The following GPHN variants were observed in gnomAD, a reference collection of about 807,000 sequenced individuals.
The protein encoded by GPHN is gephyrin.
GPHN carries 17 observed loss-of-function variants against 95.5 expected under a neutral mutation model. The observed-to-expected ratio is 0.18, with a 90% confidence interval of 0.12 to 0.27. The LOEUF (loss-of-function observed/expected upper bound fraction) is 0.27, where lower values mean the gene tolerates loss of function less well. Among genes scored for constraint, GPHN ranks in the 10% least tolerant of loss-of-function variants. The probability of loss-of-function intolerance (pLI) is 1.00; values close to 1 mark genes in which losing one functional copy is unlikely to be tolerated. For synonymous variants in GPHN, 320 were observed against 322.5 expected (o/e 0.99, Z 0.08); for missense variants, 660 against 978.1 (o/e 0.67, Z 4.34).
chr14:67,260,410 A>C, the GPHN span, among the ~76,000 whole-genome samples: 1 of 152,208 alleles, frequency 6.6e-6, no homozygotes, highest in African/African-American at 2.4e-5. Flanking sequence ...AAATATTTGT[A>C]TATAGCACAA....
chr14:67,142,941 A>C (rs927113878), intron 17 of GPHN: 3 of 239,770 alleles, frequency 1.3e-5, no homozygotes, highest in Non-Finnish European at 2.5e-5. Context: ...CACCTAAGAC[A>C]TTCTCTCTAA....
At chr14:67,656,044 G>A in the GPHN span, among the ~76,000 whole-genome samples, 19,389 of 151,950 alleles carry the variant, frequency 0.13, 1,292 homozygotes, top group East Asian at 0.22. Context: ...TTAGGAGTTC[G>A]AGACCAGCCT....
chr14:66,727,483 G>A (rs778635111), intron 2 of GPHN, among the ~76,000 whole-genome samples: 5 of 152,186 alleles, frequency 3.3e-5, no homozygotes, highest in Non-Finnish European at 5.9e-5. Context: ...CTAGAGACTC[G>A]TTGAGTGGCT....
intron 9 of GPHN, among the ~76,000 whole-genome samples, chr14:66,967,149 A>G (rs1258979974): frequency 6.6e-6 from 1 of 151,888 alleles, no homozygotes; most frequent in Non-Finnish European, 1.5e-5. Flanking sequence ...TCAGCACTAG[A>G]ATGTATACCT....
At chr14:67,647,099 C>T in the GPHN span, 1 of 965,334 alleles carries the variant, frequency 1.0e-6, no homozygotes, top group Non-Finnish European at 1.6e-6. Flanking sequence ...TTGAGGACAG[C>T]AGCTTTACTT....
chr14:67,061,031 G>T (rs1244870905), intron 11 of GPHN, among the ~76,000 whole-genome samples: 1 of 151,756 alleles, frequency 6.6e-6, no homozygotes, highest in Non-Finnish European at 1.5e-5. Context: ...TTTAGTTTAG[G>T]TGTTTTTTTT....
chr14:67,356,503 C>T, the GPHN span, among the ~76,000 whole-genome samples: 1 of 151,148 alleles, frequency 6.6e-6, no homozygotes, highest in Non-Finnish European at 1.5e-5. Flanking sequence ...GAATCTTTTA[C>T]CATAGGGCTA....
intron 17 of GPHN, among the ~76,000 whole-genome samples, chr14:67,127,767 A>AAATATT (rs1317230101): frequency 1.3e-5 from 2 of 152,240 alleles, no homozygotes; most frequent in African/African-American, 4.8e-5. Context: ...CAAGCAGTAA[A>AAATATT]AATATTTTAG....
the GPHN span, chr14:67,581,681 ACTTT>A: frequency 2.5e-5 from 5 of 196,594 alleles, no homozygotes; most frequent in East Asian, 6.4e-4. Flanking sequence ...AGACATCCTG[ACTTT>A]CTATCAATTT....
chr14:66,809,690 T>G (rs947982611), intron 3 of GPHN, among the ~76,000 whole-genome samples: 57 of 152,266 alleles, frequency 3.7e-4, no homozygotes, highest in African/African-American at 1.3e-3. Flanking sequence ...TATTTCTTAT[T>G]TGTTCAGTGT....
intron 10 of GPHN, among the ~76,000 whole-genome samples, chr14:67,041,256 T>G (rs1383468557): frequency 6.6e-6 from 1 of 151,956 alleles, no homozygotes; most frequent in Non-Finnish European, 1.5e-5. Flanking sequence ...CTGGGGTACA[T>G]GTGTAGAAGG....
chr14:66,775,954 C>T (rs986414107), intron 2 of GPHN, among the ~76,000 whole-genome samples: 2 of 152,082 alleles, frequency 1.3e-5, no homozygotes, highest in African/African-American at 2.4e-5. Context: ...AATCAATGTT[C>T]GTTCACCAGT....
At chr14:67,005,663 G>A (rs560181729) in intron 9 of GPHN, among the ~76,000 whole-genome samples, 3 of 151,976 alleles carry the variant, frequency 2.0e-5, no homozygotes, top group South Asian at 4.2e-4. Context: ...TTATGTCCAT[G>A]AATAAGCGTC....
At chr14:66,772,661 T>A (rs982630067) in intron 2 of GPHN, among the ~76,000 whole-genome samples, 1 of 152,224 alleles carries the variant, frequency 6.6e-6, no homozygotes, top group Admixed American at 6.5e-5. Context: ...GAATAGAGTA[T>A]TCCCCATCCT....
At chr14:67,401,373 G>A in the GPHN span, among the ~76,000 whole-genome samples, 339 of 151,874 alleles carry the variant, frequency 2.2e-3, no homozygotes, top group Middle Eastern at 3.4e-3. Flanking sequence ...TTAGCCAGGC[G>A]TGGTGGCACG....
chr14:67,118,912 A>C (rs1167813864), intron 16 of GPHN, among the ~76,000 whole-genome samples: 1 of 152,158 alleles, frequency 6.6e-6, no homozygotes, highest in South Asian at 2.1e-4. Flanking sequence ...ATATTCTGCT[A>C]CCCTTCAACA....
intron 6 of GPHN, among the ~76,000 whole-genome samples, chr14:66,921,092 C>A (rs1342132246): frequency 2.0e-5 from 3 of 152,112 alleles, no homozygotes; most frequent in African/African-American, 7.2e-5. Context: ...ATAATGACTT[C>A]TTTTCCTCTG....
chr14:67,393,610 C>T, the GPHN span, among the ~76,000 whole-genome samples: 4 of 152,106 alleles, frequency 2.6e-5, no homozygotes, highest in Non-Finnish European at 4.4e-5. Context: ...TTTGCCACCA[C>T]ACCTGGCTAA....
intron 1 of GPHN, among the ~76,000 whole-genome samples, chr14:66,669,521 ATCCTTT>A (rs2066176314): frequency 6.6e-6 from 1 of 151,182 alleles, no homozygotes; most frequent in South Asian, 2.1e-4. Flanking sequence ...AATGTATCCT[ATCCTTT>A]TATCCCTCTT....
Sources: allele counts gnomAD v4.1 joint callset (sites outside exome capture counted in the v4.1 genomes callset), GRCh38; gene constraint gnomAD v4.1.1; transcripts MANE v1.5; gene names NCBI Gene and HGNC (gene_info 2026-07-23, HGNC 2026-07-21).